CDC42BPA: variants seen among roughly 807,000 people sequenced by gnomAD.
CDC42BPA encodes the protein CDC42 binding protein kinase alpha.
CDC42BPA carries 80 observed loss-of-function variants against 223.5 expected under a neutral mutation model. That is an observed-to-expected ratio of 0.36 (90% CI 0.30 to 0.43). The LOEUF (loss-of-function observed/expected upper bound fraction) is 0.43. CDC42BPA is among the 20% of genes least tolerant of loss of function. The pLI is 1.00. For missense variants in CDC42BPA, 1,743 were observed against 2,099.9 expected (o/e 0.83, Z 3.32); for synonymous variants, 694 against 718.6 (o/e 0.97, Z 0.55).
intron 14 of CDC42BPA, among the ~76,000 whole-genome samples, chr1:227,101,799 TCA>T (rs1284505404): frequency 6.6e-6 from 1 of 152,160 alleles, no homozygotes. Context: ...GTAGGTCTCT[TCA>T]CTTTTAGGTA....
intron 14 of CDC42BPA, among the ~76,000 whole-genome samples, chr1:227,108,922 C>T (rs1452334186): frequency 6.6e-6 from 1 of 152,232 alleles, no homozygotes; most frequent in Non-Finnish European, 1.5e-5. Context: ...CAAACCTGTA[C>T]AGTATGGTAC....
intron 1 of CDC42BPA, among the ~76,000 whole-genome samples, chr1:227,293,999 C>T (rs868458575): frequency 6.6e-6 from 1 of 152,010 alleles, no homozygotes; most frequent in Non-Finnish European, 1.5e-5. Context: ...AGGCCAGGCA[C>T]GGTGGCTCAC....
chr1:227,311,078 G>A (rs1261199878), intron 1 of CDC42BPA, among the ~76,000 whole-genome samples: 1 of 152,158 alleles, frequency 6.6e-6, no homozygotes, highest in East Asian at 1.9e-4. Context: ...ATCACACGAA[G>A]TGCAGATGAT....
intron 1 of CDC42BPA, among the ~76,000 whole-genome samples, chr1:227,315,799 T>A (rs564683153): frequency 6.6e-6 from 1 of 152,288 alleles, no homozygotes. Flanking sequence ...TTTGAAAAGT[T>A]ATTCTATTCA....
In CDC42BPA at chr1:227,245,066, G is replaced by C. The variant is rs566877621; in HGVS notation, c.270+8998C>G. On this transcript the variant is annotated intron_variant, in intron 2 of 36. Transcript: ENST00000366766. ...AGGCTGAAGTGCTCTGGGGTCCTAGGTAAACCTGAATGGCAGTCAAGTTGG... is the reference window on the plus strand; with the variant it reads ...AGGCTGAAGTGCTCTGGGGTCCTAGCTAAACCTGAATGGCAGTCAAGTTGG... Among the ~76,000 whole-genome samples, 3 of 152,226 alleles carry C rather than the reference G, an allele frequency of 2.0e-5. No homozygotes were observed. In the South Asian group the frequency reaches 6.2e-4, roughly 32 times the overall value.
intron 5 of CDC42BPA, among the ~76,000 whole-genome samples, chr1:227,164,819 A>G (rs1402029574): frequency 1.3e-5 from 2 of 152,254 alleles, no homozygotes; most frequent in Non-Finnish European, 2.9e-5. Flanking sequence ...ACTAAAATGC[A>G]AAGGGCTCAA....
Position 227,004,344 on chromosome 1 carries a change from TCTC to T in CDC42BPA, c.4975+647_4975+649del, listed in dbSNP as rs1294095368. 1.2e-4 allele frequency: 19 copies of T among 154,368 alleles called. 1 individual carries two copies. The highest frequency in any genetic ancestry group is 3.6e-4 in the African/African-American group (15 of 41,382). The allele number at this position is 154,368 out of a possible 1,614,324, so 9.6% of individuals were successfully genotyped here. On this transcript the variant is annotated intron_variant, in intron 35 of 36. Transcript: ENST00000366766. ...GTTTCCATTGGGACCACTCTAGGAG[TCTC>T]CTATCTGGATGCTGGCTTCCACTCT...
intron 1 of CDC42BPA, among the ~76,000 whole-genome samples, chr1:227,272,805 A>AT (rs11396756): frequency 0.31 from 46,113 of 151,126 alleles, 7,166 homozygotes; most frequent in East Asian, 0.37. Flanking sequence ...CAGAATAATT[A>AT]TTTTTTTAAT....
At chr1:227,245,630 C>T (rs1044540931) in intron 2 of CDC42BPA, among the ~76,000 whole-genome samples, 2 of 152,156 alleles carry the variant, frequency 1.3e-5, no homozygotes, top group African/African-American at 4.8e-5. Flanking sequence ...CTCAGCCACA[C>T]TAGAACAGAG....
At chr1:227,005,200 A>C in intron 34 of CDC42BPA, 89 bp from the exon 35 acceptor site, 1 of 852,016 alleles carries the variant, frequency 1.2e-6, no homozygotes, top group Non-Finnish European at 2.0e-6. Context: ...AATTACCAAG[A>C]AATAAAATCA....
chr1:227,179,659 A>AAAAC (rs1216438998), intron 5 of CDC42BPA, among the ~76,000 whole-genome samples: 1 of 146,890 alleles, frequency 6.8e-6, no homozygotes, highest in African/African-American at 2.6e-5. Flanking sequence ...AAAAAAAAAA[A>AAAAC]AGCTATTTTA....
At chr1:227,296,930 T>C (rs377682300) in intron 1 of CDC42BPA, among the ~76,000 whole-genome samples, 9 of 152,148 alleles carry the variant, frequency 5.9e-5, no homozygotes, top group African/African-American at 1.9e-4. Context: ...GTAAATAATA[T>C]ACATGACAAA....
chr1:227,091,382 G>A (rs1683049638), intron 16 of CDC42BPA, among the ~76,000 whole-genome samples: 1 of 151,626 alleles, frequency 6.6e-6, no homozygotes, highest in African/African-American at 2.4e-5. Context: ...TTGGTGATAA[G>A]TGAGTTCTCA....
chr1:227,155,691 G>T (rs1482398251), intron 6 of CDC42BPA, among the ~76,000 whole-genome samples: 1 of 152,176 alleles, frequency 6.6e-6, no homozygotes, highest in East Asian at 1.9e-4. Context: ...AAATTAAGCA[G>T]AGCAAAGTGG....
intron 3 of CDC42BPA, among the ~76,000 whole-genome samples, chr1:227,200,028 C>G (rs6684840): frequency 0.68 from 103,759 of 151,924 alleles, 35,665 homozygotes; most frequent in South Asian, 0.73. Flanking sequence ...ACTGTGAACC[C>G]ATTCTCTTCC....
chr1:227,000,236 G>A (rs987818607), intron 35 of CDC42BPA, among the ~76,000 whole-genome samples: 4 of 151,912 alleles, frequency 2.6e-5, no homozygotes, highest in East Asian at 3.9e-4. Flanking sequence ...CCCACCACTG[G>A]GTTTCTCCAC....
intron 5 of CDC42BPA, among the ~76,000 whole-genome samples, chr1:227,167,239 G>A (rs144958927): frequency 1.8e-4 from 28 of 152,216 alleles, no homozygotes; most frequent in Middle Eastern, 3.4e-3. Flanking sequence ...GCAAGTCCTC[G>A]TCCTTACATT....
At chr1:227,067,553 T>C (rs998425515) in intron 21 of CDC42BPA, among the ~76,000 whole-genome samples, 3 of 152,310 alleles carry the variant, frequency 2.0e-5, no homozygotes, top group Non-Finnish European at 4.4e-5. Flanking sequence ...GATTATAACA[T>C]GCAATACCAC....
chr1:227,027,080 A>G (rs924671502), intron 30 of CDC42BPA, among the ~76,000 whole-genome samples: 5 of 152,318 alleles, frequency 3.3e-5, no homozygotes, highest in African/African-American at 1.2e-4. Context: ...GGTGTAAGCC[A>G]CTGTGCCCAC....
Sources: allele counts gnomAD v4.1 joint callset (sites outside exome capture counted in the v4.1 genomes callset), GRCh38; gene constraint gnomAD v4.1.1; transcripts MANE v1.5; gene names NCBI Gene and HGNC (gene_info 2026-07-23, HGNC 2026-07-21).